STX16: variants seen among roughly 807,000 people sequenced by gnomAD.
STX16 encodes syntaxin-16.
STX16 carries 28 observed loss-of-function variants against 42.7 expected under a neutral mutation model. That is an observed-to-expected ratio of 0.66 (90% CI 0.49 to 0.90). The LOEUF (loss-of-function observed/expected upper bound fraction) is 0.90, where lower values mean the gene tolerates loss of function less well. STX16 is among the 40% of genes least tolerant of loss of function. STX16 has a pLI of 0.00. For missense variants in STX16, 361 were observed against 420.9 expected (o/e 0.86, Z 1.24); for synonymous variants, 156 against 155.2 (o/e 1.00, Z -0.04).
At chr20:58,652,164 C>T in intron 1 of STX16, 26 bp downstream of exon 1, 1 of 1,612,402 alleles carries the variant, frequency 6.2e-7, no homozygotes, top group Non-Finnish European at 8.5e-7. Flanking sequence ...GCCTCTCCGA[C>T]ACACGGACCG....
At chr20:58,666,675 C>T (rs1306603857) in intron 2 of STX16, among the ~76,000 whole-genome samples, 2 of 152,230 alleles carry the variant, frequency 1.3e-5, no homozygotes, top group East Asian at 1.9e-4. Flanking sequence ...ATGATCTGCC[C>T]GCCTTGGCCT....
intron 1 of STX16, chr20:58,652,380 C>CG (rs879041674): frequency 3.7e-5 from 22 of 589,580 alleles, no homozygotes; most frequent in African/African-American, 9.4e-5. Flanking sequence ...CACCCCCCCC[C>CG]CCGCACCCCC....
intron 2 of STX16, 123 bp downstream of exon 2, chr20:58,659,757 ATTACT>A (rs1161705410): frequency 1.5e-5 from 15 of 1,014,112 alleles, no homozygotes; most frequent in Non-Finnish European, 2.2e-5. Flanking sequence ...ATTTGTTTTG[ATTACT>A]TTATAATTTT....
rs2083865760 is a variant in STX16 at position 58,667,521 on chromosome 20, G to A, written c.176G>A (p.Gly59Asp). 5 of 1,614,126 alleles carry A rather than the reference G, an allele frequency of 3.1e-6. No homozygotes were observed. The highest frequency in any genetic ancestry group is 4.2e-6 in the Non-Finnish European group (5 of 1,180,026). ...LADDRMALVS[G>D]ISLDPEAAIG... ...GATGACCGTATGGCACTGGTGTCAG[G>A]CATCAGCTTAGATCCAGAAGCAGCG... is the stretch of plus-strand genomic sequence containing the variant. The change falls in exon 3 of 9, where the codon GGC (glycine) becomes GAC (aspartate). Residue 59 changes from glycine (G) to aspartate (D), a missense_variant. Physicochemically the swap from Gly to Asp is moderately conservative, Grantham distance 94. Coordinates refer to ENST00000371141, the MANE Select transcript of STX16 (RefSeq NM_001001433.3).
chr20:58,676,160 G>A, intron 8 of STX16, 27 bp from the exon 9 acceptor site: 2 of 1,592,650 alleles, frequency 1.3e-6, no homozygotes, highest in Non-Finnish European at 1.7e-6. Flanking sequence ...GGAAAATGAC[G>A]GCCTTTTTTC....
intron 2 of STX16, among the ~76,000 whole-genome samples, chr20:58,662,316 A>T (rs2083719151): frequency 6.6e-6 from 1 of 152,214 alleles, no homozygotes; most frequent in African/African-American, 2.4e-5. Context: ...TGTTCTTGGG[A>T]CTGGCATGGG....
Position 58,651,644 on chromosome 20 carries a change from A to T in STX16, c.-363A>T. On this transcript the variant is annotated 5_prime_UTR_variant, in exon 1 of 9. Transcript: ENST00000371141. Reference sequence around the variant, plus strand: ...GGGGTCTCAGGGAGTAGGGGGCTTCAGGGCCTCCCAGTCTAGAGCCGGATT... The same window carrying T: ...GGGGTCTCAGGGAGTAGGGGGCTTCTGGGCCTCCCAGTCTAGAGCCGGATT... 4.4e-6 allele frequency: 1 copy of T among 227,804 alleles called. No homozygotes were observed. The highest frequency in any genetic ancestry group is 9.0e-6 in the Non-Finnish European group (1 of 111,624). The allele number at this position is 227,804 out of a possible 1,614,324, so 14.1% of individuals were successfully genotyped here. A position where few individuals can be genotyped will look rare whatever the true frequency, so the allele number is the denominator to read the frequency against.
chr20:58,651,926 G>A lies in STX16; in HGVS notation c.-81G>A. On this transcript the variant is annotated 5_prime_UTR_variant, in exon 1 of 9. Coordinates refer to ENST00000371141, the MANE Select transcript of STX16 (RefSeq NM_001001433.3). ...GCTTCCGTGAAAGGGTGGGCCAGCC[G>A]GGCCACGAGAAAGAAAGTGAATAAA... The A allele has an allele frequency of 6.7e-7, 1 of 1,485,836 alleles. No homozygotes were observed. The highest frequency in any genetic ancestry group is 1.4e-5 in the African/African-American group (1 of 72,370). 92.0% of individuals were successfully genotyped at this position (1,485,836 alleles called of 1,614,324 possible). A position where few individuals can be genotyped will look rare whatever the true frequency, so the allele number is the denominator to read the frequency against.
In STX16 at chr20:58,674,757, G is replaced by A. The variant is rs147582164; in HGVS notation, c.873+1046G>A. Among the ~76,000 whole-genome samples, 4 of 152,286 alleles carry A rather than the reference G, an allele frequency of 2.6e-5. No homozygotes were observed. In the East Asian group the frequency reaches 7.7e-4, roughly 29 times the overall value. ...GCATTTAGATTAATTTGGTTGCCAA[G>A]CCCTGTCTATTAAAAGTGAAAACTA... On this transcript the variant is annotated intron_variant, in intron 8 of 8. Transcript: ENST00000371141.
rs369718305 is a variant in STX16 at position 58,671,662 on chromosome 20, T to C, written c.792+365T>C. On this transcript the variant is annotated intron_variant, in intron 7 of 8. Coordinates refer to ENST00000371141, the MANE Select transcript of STX16 (RefSeq NM_001001433.3). ...GGCTCTTAGCAGTTTAACAGTTACATGATTCTCATTTAATCCCTCTGACTC... is the reference window on the plus strand; with the variant it reads ...GGCTCTTAGCAGTTTAACAGTTACACGATTCTCATTTAATCCCTCTGACTC... 5.6e-3 allele frequency among the ~76,000 whole-genome samples: 850 copies of C among 152,216 alleles called. 9 individuals carry two copies. The highest frequency in any genetic ancestry group is 0.019 in the African/African-American group (776 of 41,480).
rs2083985725 is a variant in STX16, at chr20:58,671,871, C to G, written c.792+574C>G. Among the ~76,000 whole-genome samples, 3 of 152,184 alleles carry G rather than the reference C, an allele frequency of 2.0e-5. No homozygotes were observed. In the South Asian group the frequency reaches 6.2e-4, roughly 32 times the overall value. On this transcript the variant is annotated intron_variant, in intron 7 of 8. Coordinates refer to ENST00000371141, the MANE Select transcript of STX16 (RefSeq NM_001001433.3). ...CTTTTTTTTGAGTGCCAATATGACA[C>G]TCAAAGGATATATATACATAGCAAT...
At chr20:58,672,624 TAATA>T (rs1292042622) in intron 7 of STX16, among the ~76,000 whole-genome samples, 3 of 152,132 alleles carry the variant, frequency 2.0e-5, no homozygotes, top group Admixed American at 6.5e-5. Context: ...ATAAGAATAT[TAATA>T]AATCTTTTTT....
chr20:58,666,408 T>G (rs1313004244), intron 2 of STX16, among the ~76,000 whole-genome samples: 1 of 147,996 alleles, frequency 6.8e-6, no homozygotes, highest in East Asian at 2.0e-4. Context: ...CCCTCTGTTT[T>G]TTGTGTGTGT....
chr20:58,676,060 A>C, intron 8 of STX16, 127 bp from the exon 9 acceptor site: 1 of 721,906 alleles, frequency 1.4e-6, no homozygotes, highest in Non-Finnish European at 2.4e-6. Context: ...GATTACAATC[A>C]TGTAGCCTGT....
chr20:58,652,188 T>C (rs751709855), intron 1 of STX16, 50 bp downstream of exon 1: 1 of 1,609,454 alleles, frequency 6.2e-7, no homozygotes, highest in African/African-American at 1.3e-5. Context: ...GCACTGCGGC[T>C]CTGCCTGTTT....
intron 1 of STX16, among the ~76,000 whole-genome samples, chr20:58,659,259 G>A (rs773044082): frequency 1.3e-5 from 2 of 152,084 alleles, no homozygotes; most frequent in Non-Finnish European, 2.9e-5. Context: ...ATAGAATGTG[G>A]TATTGTATGT....
intron 7 of STX16, 127 bp downstream of exon 7, chr20:58,671,424 TTATG>T (rs1555843024): frequency 1.9e-5 from 11 of 569,996 alleles, no homozygotes; most frequent in East Asian, 8.4e-5. Context: ...CACCTGTCCT[TTATG>T]TGTGTGTGGG....
chr20:58,655,735 G>C (rs1033711307), intron 1 of STX16, among the ~76,000 whole-genome samples: 1 of 152,104 alleles, frequency 6.6e-6, no homozygotes, highest in Non-Finnish European at 1.5e-5. Context: ...CTGCAGCCTT[G>C]TTACCCAGAA....
intron 1 of STX16, among the ~76,000 whole-genome samples, chr20:58,652,858 A>G (rs1161734679): frequency 6.6e-6 from 1 of 151,532 alleles, no homozygotes; most frequent in Non-Finnish European, 1.5e-5. Context: ...ACCCCGTAAA[A>G]TAGCACTTTT....
Sources: allele counts gnomAD v4.1 joint callset (sites outside exome capture counted in the v4.1 genomes callset), GRCh38; gene constraint gnomAD v4.1.1; transcripts MANE v1.5; gene names NCBI Gene and HGNC (gene_info 2026-07-23, HGNC 2026-07-21).